Variants in THAP12 observed in about 807,000 individuals in gnomAD.
THAP12 encodes the protein 52 kDa repressor of the inhibitor of the protein kinase.
THAP12 carries 20 observed loss-of-function variants against 63.0 expected under a neutral mutation model. The observed-to-expected ratio is 0.32, with a 90% confidence interval of 0.22 to 0.46. The LOEUF (loss-of-function observed/expected upper bound fraction) is 0.46, where lower values mean the gene tolerates loss of function less well. Among genes scored for constraint, THAP12 ranks in the 20% least tolerant of loss-of-function variants. THAP12 has a pLI of 1.00. For synonymous variants in THAP12, 264 were observed against 328.4 expected, an observed-to-expected ratio of 0.80 and a Z score of 2.12; for missense variants, 568 against 908.2, an observed-to-expected ratio of 0.63 and a Z score of 4.81.
intron 2 of THAP12, among the ~76,000 whole-genome samples, chr11:76,364,038 C>T (rs1946615745): frequency 6.6e-6 from 1 of 152,174 alleles, no homozygotes; most frequent in Non-Finnish European, 1.5e-5. Context: ...TCTTTCTGTT[C>T]TATTCTCTAA....
intron 4 of THAP12, among the ~76,000 whole-genome samples, chr11:76,354,844 A>C (rs1946549341): frequency 6.6e-6 from 1 of 152,190 alleles, no homozygotes; most frequent in Non-Finnish European, 1.5e-5. Flanking sequence ...CACAAACTTT[A>C]ACAACACTAA....
chr11:76,362,605 G>A (rs1409462820), intron 2 of THAP12, among the ~76,000 whole-genome samples: 3 of 152,296 alleles, frequency 2.0e-5, no homozygotes, highest in Non-Finnish European at 2.9e-5. Context: ...ACTGAAGGGA[G>A]TACAAGTTAT....
At chr11:76,368,666 G>A (rs1946648646) in intron 1 of THAP12, 4 of 152,064 alleles carry the variant, frequency 2.6e-5, no homozygotes, top group Admixed American at 1.3e-4. Context: ...CAGCAAATAT[G>A]GATTTTTCTT....
In THAP12 at chr11:76,352,379, T is replaced by C. The variant is rs1436503908; in HGVS notation, c.771A>G (p.Ser257=). 1 of 1,612,020 alleles carries C rather than the reference T, an allele frequency of 6.2e-7. No homozygotes were observed. Among genetic ancestry groups the C allele is most frequent in the South Asian group, 1.1e-5 (1 of 90,992 alleles). ...REETLREVRD[S]HFFSIITDDV... ...CGTCAGTGATAATGGAAAAGAAGTGTGAGTCTCTCACTTCCCTGAGAGTTT... is the reference window on the plus strand; with the variant it reads ...CGTCAGTGATAATGGAAAAGAAGTGCGAGTCTCTCACTTCCCTGAGAGTTT... The change falls in exon 5 of 5, where the codon TCA becomes TCG. Residue 257 remains serine, a synonymous_variant. Transcript: ENST00000260045.
chr11:76,368,797 A>G (rs1565234776), intron 1 of THAP12, among the ~76,000 whole-genome samples: 1 of 152,256 alleles, frequency 6.6e-6, no homozygotes, highest in South Asian at 2.1e-4. Context: ...TATGAAAGGT[A>G]AAACAATAAA....
chr11:76,365,928 T>C lies in THAP12; in HGVS notation c.134A>G (p.Asp45Gly). The stretch of plus-strand genomic sequence containing the variant: ...TTTATTTAGCTGATCAGGTGTTTTA[T>C]CTTCTAAGTCTGCTCTCCTACAGTT... ...VENCRRADLE[D>G]KTPDQLNKHY... The change falls in exon 2 of 5, where the codon GAT (aspartate) becomes GGT (glycine). Residue 45 changes from aspartate (D) to glycine (G), a missense_variant. Asp to Gly is a moderately conservative substitution (Grantham distance 94, BLOSUM62 -1). Coordinates refer to ENST00000260045, the MANE Select transcript of THAP12 (RefSeq NM_004705.4). 1 of 1,613,516 alleles carries C rather than the reference T, an allele frequency of 6.2e-7. No individual in the cohort carries two copies.
intron 2 of THAP12, among the ~76,000 whole-genome samples, chr11:76,363,099 C>T (rs558767827): frequency 2.0e-5 from 3 of 152,062 alleles, no homozygotes; most frequent in African/African-American, 4.8e-5. Context: ...GCCATGGCTG[C>T]GCCACTGCAC....
intron 3 of THAP12, among the ~76,000 whole-genome samples, chr11:76,360,062 G>A (rs1246311978): frequency 6.6e-6 from 1 of 152,134 alleles, no homozygotes; most frequent in Non-Finnish European, 1.5e-5. Context: ...ACGAAAGGAA[G>A]AACTAACAGA....
intron 1 of THAP12, among the ~76,000 whole-genome samples, chr11:76,377,239 T>A (rs527929871): frequency 6.6e-6 from 1 of 152,228 alleles, no homozygotes; most frequent in African/African-American, 2.4e-5. Context: ...AGACATCTAT[T>A]TTCTTTGAGG....
At chr11:76,378,103 T>C (rs1055366862) in intron 1 of THAP12, among the ~76,000 whole-genome samples, 5 of 152,248 alleles carry the variant, frequency 3.3e-5, no homozygotes, top group African/African-American at 1.2e-4. Context: ...TTTTACTGCA[T>C]GTATTTTGGT....
At chr11:76,362,779 T>C (rs1946606212) in intron 2 of THAP12, among the ~76,000 whole-genome samples, 1 of 152,238 alleles carries the variant, frequency 6.6e-6, no homozygotes, top group Admixed American at 6.5e-5. Context: ...GATTTTCTAT[T>C]TGCAAATAAA....
intron 1 of THAP12, among the ~76,000 whole-genome samples, chr11:76,375,071 A>G (rs1946699640): frequency 6.6e-6 from 1 of 152,220 alleles, no homozygotes; most frequent in South Asian, 2.1e-4. Flanking sequence ...GTATTTTGTT[A>G]TAACAGCCCA....
intron 3 of THAP12, chr11:76,358,490 C>A (rs549240485): frequency 1.3e-5 from 2 of 152,174 alleles, no homozygotes. Context: ...GCAATGAAAG[C>A]ATGTGATAAG....
rs1946517241 is a variant in THAP12, at chr11:76,350,462, A to G, written c.*402T>C. On this transcript the variant is annotated 3_prime_UTR_variant, in exon 5 of 5. Transcript: ENST00000260045. ...TAAAACTCCTATTAGTCAAAGGTCA[A>G]TTGTGGGCTTCACTACAACATTTTA... The G allele has an allele frequency of 1.3e-5, 2 of 154,912 alleles. No individual in the cohort carries two copies. Among genetic ancestry groups the G allele is most frequent in the Non-Finnish European group, 2.9e-5 (2 of 69,918 alleles). 9.6% of individuals were successfully genotyped at this position (154,912 alleles called of 1,614,324 possible). A position where few individuals can be genotyped will look rare whatever the true frequency, so the allele number is the denominator to read the frequency against.
chr11:76,352,018 A>T lies in THAP12; in HGVS notation c.1132T>A (p.Ser378Thr). The T allele has an allele frequency of 6.2e-7, 1 of 1,610,286 alleles. No individual in the cohort carries two copies. The highest frequency in any genetic ancestry group is 8.5e-7 in the Non-Finnish European group (1 of 1,178,924). The change falls in exon 5 of 5, where the codon TCT (serine) becomes ACT (threonine). Residue 378 changes from serine to threonine, a missense_variant. Transcript: ENST00000260045. ...LAKSVPVMGV[S>T]VALGTIEEVC... ...TCCTCAATTGTTCCTAATGCAACAG[A>T]TACTCCCATAACAGGTACTGATTTT...
intron 1 of THAP12, among the ~76,000 whole-genome samples, chr11:76,367,657 A>C (rs567065605): frequency 5.2e-4 from 79 of 151,878 alleles, no homozygotes; most frequent in African/African-American, 1.9e-3. Flanking sequence ...TCCAGATCGC[A>C]GGTGATCTGC....
Position 76,380,735 on chromosome 11 carries a change from G to C in THAP12, c.89+13C>G. ...GGTGGGCCCGGGCCGCCCGCTCTGC[G>C]CCCGCCGCTTACCTGGCAGGGTCCC... is the stretch of plus-strand genomic sequence containing the variant. On this transcript the variant is annotated intron_variant, in intron 1 of 4. Coordinates refer to ENST00000260045, the MANE Select transcript of THAP12 (RefSeq NM_004705.4). 7.1e-7 allele frequency: 1 copy of C among 1,417,210 alleles called. No individual in the cohort carries two copies. Among genetic ancestry groups the C allele is most frequent in the Non-Finnish European group, 9.3e-7 (1 of 1,074,842 alleles). The allele number at this position is 1,417,210 out of a possible 1,614,324, so 87.8% of individuals were successfully genotyped here. A position where few individuals can be genotyped will look rare whatever the true frequency, so the allele number is the denominator to read the frequency against.
At position 76,380,932 on chromosome 11, in the gene THAP12, C is replaced by T; in HGVS notation, c.-96G>A. On this transcript the variant is annotated 5_prime_UTR_variant, in exon 1 of 5. Transcript: ENST00000260045. ...GGCCGGGGAGGGGAGCCAGGCCGGCCGGCCGGCTCGGCAGGGCCGACGCGC... is the reference window on the plus strand; with the variant it reads ...GGCCGGGGAGGGGAGCCAGGCCGGCTGGCCGGCTCGGCAGGGCCGACGCGC... 2.2e-6 allele frequency: 1 copy of T among 448,624 alleles called. No individual in the cohort carries two copies. Among genetic ancestry groups the T allele is most frequent in the Non-Finnish European group, 3.1e-6 (1 of 322,456 alleles). The allele number at this position is 448,624 out of a possible 1,614,324, so 27.8% of individuals were successfully genotyped here.
At chr11:76,372,200 C>T (rs924458514) in intron 1 of THAP12, among the ~76,000 whole-genome samples, 2 of 152,026 alleles carry the variant, frequency 1.3e-5, no homozygotes, top group South Asian at 2.1e-4. Context: ...GCGATCCTCC[C>T]GCCTAAACCT....
Sources: gnomAD v4.1 joint callset for allele counts (sites outside exome capture counted in the v4.1 genomes callset) on GRCh38, gnomAD v4.1.1 for gene constraint, MANE v1.5 for transcripts, NCBI Gene and HGNC (gene_info 2026-07-23, HGNC 2026-07-21) for gene names.